CAPN2: variants seen among roughly 807,000 people sequenced by gnomAD.
The protein encoded by CAPN2 is calpain-2 catalytic subunit.
CAPN2 carries 92 observed loss-of-function variants against 102.3 expected under a neutral mutation model. The ratio of observed to expected loss-of-function variants is 0.90; its 90% CI spans 0.76 to 1.07. The LOEUF is 1.07. CAPN2 is among the 50% of genes least tolerant of loss of function. The pLI, the probability that CAPN2 is intolerant of heterozygous loss-of-function variation, is 0.00. For missense variants in CAPN2, 800 were observed against 909.4 expected (o/e 0.88, Z 1.55); for synonymous variants, 340 against 355.4 (o/e 0.96, Z 0.49).
upstream of CAPN2, chr1:223,712,351 C>A: frequency 1.4e-6 from 1 of 739,942 alleles, no homozygotes; most frequent in Non-Finnish European, 1.7e-6. Context: ...CGCCGGGCCG[C>A]GCCATCCCGG....
Position 223,752,935 on chromosome 1 carries a change from G to A in CAPN2, c.1114G>A (p.Gly372Arg), listed in dbSNP as rs199728877. ...DGNWRRGSTA[G>R]GCRNYPNTFW... ...GAACTGGAGGCGGGGCTCCACCGCG[G>A]GAGGTTGCAGGAACTACCCGAGTAA... Residue 372 changes from glycine to arginine, a missense_variant, in exon 9 of 21, where the codon GGA becomes AGA. By Grantham distance (125) the Gly-to-Arg change is moderately radical. Coordinates refer to ENST00000295006, the MANE Select transcript of CAPN2 (RefSeq NM_001748.5). The A allele has an allele frequency of 9.3e-6, 15 of 1,614,108 alleles. No homozygotes were observed. Among genetic ancestry groups the A allele is most frequent in the Non-Finnish European group, 2.5e-6 (3 of 1,180,020 alleles).
At chr1:223,762,830 A>T (rs1038162443) in intron 14 of CAPN2, among the ~76,000 whole-genome samples, 2 of 152,010 alleles carry the variant, frequency 1.3e-5, no homozygotes, top group African/African-American at 4.8e-5. Context: ...ATAGGTGCAC[A>T]CCACCATGTC....
Position 223,755,779 on chromosome 1 carries a change from A to C in CAPN2, c.1305+130A>C. ...GGGAGCTTGGCCAAGGAAAAACAAA[A>C]CTACCAGCCTGGCCAGGCTCAGGAG... On this transcript the variant is annotated intron_variant, in intron 10 of 20. Transcript: ENST00000295006. The surrounding 1 kb of genome is among the most constrained non-coding windows in gnomAD (Gnocchi z 4.1). 4 of 918,414 alleles carry C rather than the reference A, an allele frequency of 4.4e-6. No individual in the cohort carries two copies. Among genetic ancestry groups the C allele is most frequent in the Non-Finnish European group, 6.3e-6 (4 of 632,574 alleles). 56.9% of individuals were successfully genotyped at this position (918,414 alleles called of 1,614,324 possible). A position where few individuals can be genotyped will look rare whatever the true frequency, so the allele number is the denominator to read the frequency against.
At chr1:223,748,194 A>G (rs1660797265) in intron 5 of CAPN2, among the ~76,000 whole-genome samples, 1 of 152,220 alleles carries the variant, frequency 6.6e-6, no homozygotes, top group African/African-American at 2.4e-5. Context: ...CCTTGCTGGC[A>G]ACGCTCACCA....
At chr1:223,746,894 T>A in intron 4 of CAPN2, 103 bp from the exon 5 acceptor site, 4 of 983,756 alleles carry the variant, frequency 4.1e-6, no homozygotes, top group Middle Eastern at 2.8e-4. Context: ...GAGCAGGGGG[T>A]CCCTGGAGCA....
At chr1:223,761,917 T>C (rs1371865339) in intron 13 of CAPN2, among the ~76,000 whole-genome samples, 2 of 152,246 alleles carry the variant, frequency 1.3e-5, no homozygotes, top group East Asian at 3.8e-4. Flanking sequence ...GCCATTTTAA[T>C]TGGATGCTAG....
In CAPN2 at chr1:223,745,391, C is replaced by A. The variant is rs771065945; in HGVS notation, c.512C>A (p.Ala171Asp). The A allele has an allele frequency of 1.9e-5, 31 of 1,614,080 alleles. No homozygotes were observed. The South Asian group carries it at 3.4e-4, about 18-fold the overall frequency. ...KDGELLFVHS[A>D]EGSEFWSALL... is the part of the protein sequence containing the mutation. Reference sequence around the variant, plus strand: ...GGGGAGCTGCTCTTTGTGCATTCAGCCGAAGGGAGCGAGTTCTGGAGCGCC... The same window carrying A: ...GGGGAGCTGCTCTTTGTGCATTCAGACGAAGGGAGCGAGTTCTGGAGCGCC... Residue 171 changes from alanine to aspartate, a missense_variant, in exon 4 of 21, where the codon GCC (alanine) becomes GAC (aspartate). Transcript: ENST00000295006.
intron 18 of CAPN2, chr1:223,770,845 A>G (rs1153952): frequency 0.27 from 56,994 of 214,746 alleles, 11,492 homozygotes; most frequent in African/African-American, 0.63. Context: ...GGCAGAAATC[A>G]AATGTCTCAG....
rs1396663292 is a variant in CAPN2 at position 223,727,699 on chromosome 1, G to A, written c.307+9868G>A. Among the ~76,000 whole-genome samples, 2 of 152,204 alleles carry A rather than the reference G, an allele frequency of 1.3e-5. No individual in the cohort carries two copies. Among genetic ancestry groups the A allele is most frequent in the Non-Finnish European group, 2.9e-5 (2 of 68,032 alleles). ...AGTATGAGTAAATACTGTAGGAAAG[G>A]AGAAAACATTGCATGTACGGGGTCA... On this transcript the variant is annotated intron_variant, in intron 2 of 20. Coordinates refer to ENST00000295006, the MANE Select transcript of CAPN2 (RefSeq NM_001748.5). This position sits in a 1 kb window ranked among gnomAD's most constrained non-coding sequence, Gnocchi z 4.1.
In CAPN2 at chr1:223,750,983, G is replaced by C. The variant is rs1660873215; in HGVS notation, c.899+8G>C. Reference sequence around the variant, plus strand: ...AGGGCGGTGGAATGACAAGTGAGGAGGGCGCAGGCCTCGGGGCCCCAGGCG... The same window carrying C: ...AGGGCGGTGGAATGACAAGTGAGGACGGCGCAGGCCTCGGGGCCCCAGGCG... On this transcript the variant is annotated splice_region_variant and intron_variant, in intron 7 of 20. Transcript: ENST00000295006. 1 of 1,551,550 alleles carries C rather than the reference G, an allele frequency of 6.4e-7. No homozygotes were observed. Among genetic ancestry groups the C allele is most frequent in the Non-Finnish European group, 8.7e-7 (1 of 1,146,830 alleles).
chr1:223,751,116 G>A (rs2298255), intron 7 of CAPN2, 141 bp downstream of exon 7: 214,927 of 737,920 alleles, frequency 0.29, 32,834 homozygotes, highest in Middle Eastern at 0.33. Context: ...ACAGGGACCC[G>A]TGGACAGGGG....
At position 223,759,549 on chromosome 1, in the gene CAPN2, C is replaced by T. The variant is rs1661134933; in HGVS notation, c.1529+68C>T. The T allele has an allele frequency of 4.5e-6, 6 of 1,323,672 alleles. No individual in the cohort carries two copies. The highest frequency in any genetic ancestry group is 6.4e-6 in the Non-Finnish European group (6 of 933,972). 82.0% of individuals were successfully genotyped at this position (1,323,672 alleles called of 1,614,324 possible). ...CTCCCCACTGGTCTGTTCCTCGGCC[C>T]CTAGAGGGCTCTTTCATCCTCTGAA... On this transcript the variant is annotated intron_variant, in intron 12 of 20. Coordinates refer to ENST00000295006, the MANE Select transcript of CAPN2 (RefSeq NM_001748.5). This position sits in a 1 kb window ranked among gnomAD's most constrained non-coding sequence, Gnocchi z 4.6.
In CAPN2 at chr1:223,775,223, A is replaced by T; in HGVS notation, c.*366A>T. ...ATTTAACAGCTGAGCAAAAACATTG[A>T]GTCGCTCTCAAAGGACACGAGGCCC... is the stretch of plus-strand genomic sequence containing the variant. On this transcript the variant is annotated 3_prime_UTR_variant, in exon 21 of 21. Coordinates refer to ENST00000295006, the MANE Select transcript of CAPN2 (RefSeq NM_001748.5). 4.9e-6 allele frequency: 1 copy of T among 203,364 alleles called. No individual in the cohort carries two copies. Among genetic ancestry groups the T allele is most frequent in the African/African-American group, 2.3e-5 (1 of 43,272 alleles). The allele number at this position is 203,364 out of a possible 1,614,324, so 12.6% of individuals were successfully genotyped here.
At chr1:223,732,653 G>A (rs1660363697) in intron 2 of CAPN2, among the ~76,000 whole-genome samples, 1 of 152,204 alleles carries the variant, frequency 6.6e-6, no homozygotes, top group Non-Finnish European at 1.5e-5. Context: ...CTGTGACTTA[G>A]AATGCCTTAA....
At position 223,764,127 on chromosome 1, in the gene CAPN2, A is replaced by G. The variant is rs1397219308; in HGVS notation, c.1633-23A>G. On this transcript the variant is annotated intron_variant, in intron 14 of 20. Transcript: ENST00000295006. ...CAGCTCCCACGGGGGGCCAATAACT[A>G]TGCTCTGGTTATGTGTCCACAGGAT... 2.5e-6 allele frequency: 4 copies of G among 1,608,160 alleles called. No homozygotes were observed. In the Admixed American group the frequency reaches 6.7e-5, roughly 27 times the overall value.
chr1:223,770,373 C>A, intron 17 of CAPN2, 74 bp from the exon 18 acceptor site: 2 of 959,498 alleles, frequency 2.1e-6, no homozygotes, highest in South Asian at 1.4e-5. Flanking sequence ...CATCCCCACT[C>A]AGCACATACT....
intron 1 of CAPN2, among the ~76,000 whole-genome samples, chr1:223,702,168 G>A (rs776581169): frequency 2.0e-5 from 3 of 151,472 alleles, no homozygotes; most frequent in Non-Finnish European, 4.4e-5. Context: ...GCTCACGCCT[G>A]TAATCCCAGC....
chr1:223,774,503 G>A (rs1285397110), intron 20 of CAPN2, among the ~76,000 whole-genome samples: 1 of 152,136 alleles, frequency 6.6e-6, no homozygotes, highest in Non-Finnish European at 1.5e-5. Context: ...TTGGTTGCAG[G>A]GATATCCACA....
At chr1:223,710,169 T>G (rs185691319), upstream of CAPN2, among the ~76,000 whole-genome samples, 2,930 of 152,034 alleles carry the variant, frequency 0.019, 90 homozygotes, top group African/African-American at 0.066. Context: ...CCAGCTACGT[T>G]GGAGGCTGAG....
Sources: gnomAD v4.1 joint callset for allele counts (sites outside exome capture counted in the v4.1 genomes callset) on GRCh38, gnomAD v4.1.1 for gene constraint, Gnocchi (gnomAD v3.1) non-coding constraint, MANE v1.5 for transcripts, NCBI Gene and HGNC (gene_info 2026-07-23, HGNC 2026-07-21) for gene names.